MAPRE2: variants seen among roughly 807,000 people sequenced by gnomAD.
The protein encoded by MAPRE2 is microtubule associated protein RP/EB family member 2, also known as microtubule-associated protein RP/EB family member 2.
MAPRE2 carries 13 observed loss-of-function variants against 43.2 expected under a neutral mutation model. The ratio of observed to expected loss-of-function variants is 0.30; its 90% CI spans 0.20 to 0.48. MAPRE2 has a LOEUF of 0.48. MAPRE2 is among the 20% of genes least tolerant of loss of function. MAPRE2 has a pLI of 0.99. For synonymous variants in MAPRE2, 135 were observed against 148.8 expected, an observed-to-expected ratio of 0.91 and a Z score of 0.68; for missense variants, 161 against 400.2, an observed-to-expected ratio of 0.40 and a Z score of 5.10.
chr18:35,113,168 C>A (rs1011246579), intron 4 of MAPRE2, among the ~76,000 whole-genome samples: 1 of 152,136 alleles, frequency 6.6e-6, no homozygotes, highest in African/African-American at 2.4e-5. Context: ...GATAAAAACC[C>A]CAGCATAAAA....
In MAPRE2 at chr18:35,080,872, G is replaced by A. The variant is rs1251133777; in HGVS notation, c.250+10550G>A. Among the ~76,000 whole-genome samples the A allele has an allele frequency of 3.3e-5, 5 of 151,590 alleles. 1 individual carries two copies. Among genetic ancestry groups the A allele is most frequent in the Non-Finnish European group, 5.9e-5 (4 of 67,950 alleles). On this transcript the variant is annotated intron_variant, in intron 2 of 6. Transcript: ENST00000300249. ...AATTCTGACAAATAGCAAATTACCT[G>A]TGTTTGTCCCCTCCCTCCCAAGGGT...
chr18:35,116,452 A>G (rs189217859), intron 4 of MAPRE2, among the ~76,000 whole-genome samples: 1 of 152,328 alleles, frequency 6.6e-6, no homozygotes, highest in Admixed American at 6.5e-5. Context: ...TAGCTGGGTT[A>G]TCTGTTTTAG....
intron 2 of MAPRE2, among the ~76,000 whole-genome samples, chr18:35,093,066 C>T (rs2144156279): frequency 6.6e-6 from 1 of 151,742 alleles, no homozygotes; most frequent in African/African-American, 2.4e-5. Context: ...ACAAAAATTA[C>T]CTGGGCATGC....
At chr18:35,066,550 A>G (rs1255834995) in intron 1 of MAPRE2, among the ~76,000 whole-genome samples, 1 of 152,246 alleles carries the variant, frequency 6.6e-6, no homozygotes, top group East Asian at 1.9e-4. Context: ...GAAAAAATAT[A>G]TAAATGTTCT....
chr18:35,036,747 T>C (rs2097050769), upstream of MAPRE2, among the ~76,000 whole-genome samples: 1 of 152,222 alleles, frequency 6.6e-6, no homozygotes, highest in Non-Finnish European at 1.5e-5. Flanking sequence ...GAGCTTAATG[T>C]TTTCTCATTA....
chr18:35,003,484 A>G (rs1439793977), intron 1 of MAPRE2, among the ~76,000 whole-genome samples: 2 of 152,218 alleles, frequency 1.3e-5, no homozygotes, highest in African/African-American at 2.4e-5. Context: ...AAAATATGTG[A>G]AATGACTGGT....
intron 5 of MAPRE2, 102 bp downstream of exon 5, chr18:35,127,189 G>A: frequency 8.2e-7 from 1 of 1,214,464 alleles, no homozygotes; most frequent in Non-Finnish European, 1.2e-6. Flanking sequence ...GAAGGGTAAG[G>A]AAGAATCCTT....
intron 2 of MAPRE2, among the ~76,000 whole-genome samples, chr18:35,024,385 T>A (rs1292353460): frequency 6.6e-6 from 1 of 152,254 alleles, no homozygotes; most frequent in East Asian, 1.9e-4. Context: ...TCTGACAGCA[T>A]CCTTGACTCA....
chr18:35,010,332 A>G (rs900507993), intron 2 of MAPRE2, among the ~76,000 whole-genome samples: 2 of 152,208 alleles, frequency 1.3e-5, no homozygotes, highest in Non-Finnish European at 2.9e-5. Context: ...CTTGAATCCA[A>G]GAGTTCAAGG....
chr18:35,035,283 G>A (rs1259874754), intron 2 of MAPRE2, among the ~76,000 whole-genome samples: 1 of 149,502 alleles, frequency 6.7e-6, no homozygotes, highest in African/African-American at 2.5e-5. Flanking sequence ...AACACCGCAT[G>A]TTCTCACTCG....
chr18:35,095,394 ACACACACG>A (rs1404362079), intron 2 of MAPRE2, among the ~76,000 whole-genome samples: 91 of 145,550 alleles, frequency 6.3e-4, no homozygotes, highest in African/African-American at 1.0e-3. Context: ...ACACACACAC[ACACACACG>A]CACACACACA....
chr18:35,035,111 C>T (rs1360350163), intron 2 of MAPRE2, among the ~76,000 whole-genome samples: 1 of 151,940 alleles, frequency 6.6e-6, no homozygotes, highest in African/African-American at 2.4e-5. Flanking sequence ...TGGAACCAAC[C>T]CAAATGTCCA....
In MAPRE2 at chr18:35,140,495, C is replaced by CTGT. The variant is rs1403086239; in HGVS notation, c.*129_*131dup. The CTGT allele has an allele frequency of 1.4e-5, 13 of 925,726 alleles. No individual in the cohort carries two copies. The East Asian group carries it at 2.9e-4, about 21-fold the overall frequency. 57.3% of individuals were successfully genotyped at this position (925,726 alleles called of 1,614,324 possible). On this transcript the variant is annotated 3_prime_UTR_variant, in exon 7 of 7. Coordinates refer to ENST00000300249, the MANE Select transcript of MAPRE2 (RefSeq NM_014268.4). ...CCAATCTGCCGTTACCATCAACGCA[C>CTGT]TGTTGCATATGCCAGCCACTGCGCT...
intron 5 of MAPRE2, among the ~76,000 whole-genome samples, chr18:35,129,227 C>A (rs1051506670): frequency 6.6e-6 from 1 of 152,136 alleles, no homozygotes; most frequent in Non-Finnish European, 1.5e-5. Context: ...GCACTTACTC[C>A]AAATTTATAT....
intron 1 of MAPRE2, among the ~76,000 whole-genome samples, chr18:34,994,949 C>T (rs1265301008): frequency 1.3e-5 from 2 of 152,084 alleles, no homozygotes; most frequent in Non-Finnish European, 2.9e-5. Context: ...TCAGGGTAGC[C>T]CTCAAAGATC....
chr18:35,041,721 G>C (rs1352316200), intron 1 of MAPRE2, 60 bp downstream of exon 1: 18 of 1,612,620 alleles, frequency 1.1e-5, no homozygotes, highest in Middle Eastern at 1.7e-4. Flanking sequence ...CGGAAATCCA[G>C]CCCGTTATAT....
At chr18:35,070,426 A>G (rs1457032924) in intron 2 of MAPRE2, 104 bp downstream of exon 2, 3 of 993,498 alleles carry the variant, frequency 3.0e-6, no homozygotes, top group East Asian at 2.8e-5. Flanking sequence ...GAAAAAGTAT[A>G]TATTGCTATT....
In MAPRE2 at chr18:35,077,240, TGCGC is replaced by T. The variant is rs142029329; in HGVS notation, c.250+6925_250+6928del. ...TCTCTCTCTCACAGATACGCGCGCG[TGCGC>T]GCGCGCACACACACACACACACACA... On this transcript the variant is annotated intron_variant, in intron 2 of 6. Coordinates refer to ENST00000300249, the MANE Select transcript of MAPRE2 (RefSeq NM_014268.4). Among the ~76,000 whole-genome samples the T allele has an allele frequency of 6.5e-3, 955 of 146,944 alleles. 11 individuals are homozygous for T. Among genetic ancestry groups the T allele is most frequent in the African/African-American group, 0.023 (883 of 38,546 alleles).
chr18:35,122,162 G>A lies in MAPRE2; in HGVS notation c.611-4786G>A, dbSNP rs182899514. 1.9e-4 allele frequency among the ~76,000 whole-genome samples: 29 copies of A among 152,286 alleles called. No individual in the cohort carries two copies. In the East Asian group the frequency reaches 3.5e-3, roughly 18 times the overall value. ...ATCATTGAATATAATGAGGACAAAA[G>A]GTTTCATTTTTATTTTTATACATTT... On this transcript the variant is annotated intron_variant, in intron 4 of 6. Transcript: ENST00000300249.
Sources: gnomAD v4.1 joint callset for allele counts (sites outside exome capture counted in the v4.1 genomes callset) on GRCh38, gnomAD v4.1.1 for gene constraint, MANE v1.5 for transcripts, NCBI Gene and HGNC (gene_info 2026-07-23, HGNC 2026-07-21) for gene names.